STK32B: variants seen among roughly 807,000 people sequenced by gnomAD.
STK32B encodes serine/threonine kinase 32B.
A neutral mutation model predicts 52.6 loss-of-function variants in STK32B; 43 were observed. That is an observed-to-expected ratio of 0.82 (90% CI 0.64 to 1.05). The LOEUF is 1.05. STK32B is among the 50% of genes least tolerant of loss of function. The pLI, the probability that STK32B is intolerant of heterozygous loss-of-function variation, is 0.00. For missense variants in STK32B, 621 were observed against 534.6 expected (o/e 1.16, Z -1.59); for synonymous variants, 238 against 204.3 (o/e 1.17, Z -1.41).
intron 11 of STK32B, among the ~76,000 whole-genome samples, chr4:5,487,190 T>C (rs897460992): frequency 1.1e-4 from 17 of 152,160 alleles, no homozygotes; most frequent in Admixed American, 1.0e-3. Flanking sequence ...ATGTGGGTCT[T>C]TGTCAGGGAC....
rs1717712210 is a variant in STK32B, at chr4:5,469,804, G to A, written c.1106+1734G>A. ...GCAGCCACAGCCCATCAGACTTGGG[G>A]AAGACGGGGGCTGATGTCGTGAGTG... is the stretch of plus-strand genomic sequence containing the variant. On this transcript the variant is annotated intron_variant, in intron 11 of 11. Coordinates refer to ENST00000282908, the MANE Select transcript of STK32B (RefSeq NM_018401.3). The surrounding 1 kb of genome is among the most constrained non-coding windows in gnomAD (Gnocchi z 4.7). Among the ~76,000 whole-genome samples the A allele has an allele frequency of 6.6e-6, 1 of 152,216 alleles. No individual in the cohort carries two copies. Among genetic ancestry groups the A allele is most frequent in the Non-Finnish European group, 1.5e-5 (1 of 68,040 alleles).
intron 8 of STK32B, among the ~76,000 whole-genome samples, chr4:5,457,383 T>C (rs1247138762): frequency 6.6e-6 from 1 of 151,088 alleles, no homozygotes; most frequent in Non-Finnish European, 1.5e-5. Context: ...GCCCGGCTAA[T>C]TTTTTGTATT....
At chr4:5,271,720 A>G (rs1014972790) in intron 3 of STK32B, among the ~76,000 whole-genome samples, 7 of 146,012 alleles carry the variant, frequency 4.8e-5, no homozygotes, top group East Asian at 4.0e-4. Context: ...GGTCCTTCAC[A>G]TCCCTTGTAA....
intron 3 of STK32B, among the ~76,000 whole-genome samples, chr4:5,225,889 A>G (rs976755225): frequency 6.6e-6 from 1 of 152,182 alleles, no homozygotes; most frequent in African/African-American, 2.4e-5. Flanking sequence ...GGTGTGCTGC[A>G]CAGTGGGAAG....
At chr4:5,159,978 T>C (rs1560186884) in intron 2 of STK32B, among the ~76,000 whole-genome samples, 1 of 151,992 alleles carries the variant, frequency 6.6e-6, no homozygotes, top group Non-Finnish European at 1.5e-5. Flanking sequence ...AGTCAGTCTT[T>C]TACTTCATTC....
chr4:5,177,774 C>T (rs1357436459), intron 3 of STK32B, among the ~76,000 whole-genome samples: 4 of 152,334 alleles, frequency 2.6e-5, no homozygotes, highest in East Asian at 1.9e-4. Flanking sequence ...TCCAACAGGG[C>T]AGTCATTAAA....
Position 5,214,577 on chromosome 4 carries a change from A to G in STK32B, c.260+46127A>G, listed in dbSNP as rs568629067. On this transcript the variant is annotated intron_variant, in intron 3 of 11. Coordinates refer to ENST00000282908, the MANE Select transcript of STK32B (RefSeq NM_018401.3). ...GGGTGGGTTTGTCTGTTCTGTTCCA[A>G]TGCTCTATTTGTCCAACCCTGCACT... Among the ~76,000 whole-genome samples the G allele has an allele frequency of 5.8e-4, 89 of 152,212 alleles. 3 individuals carry two copies. In the South Asian group the frequency reaches 0.017, roughly 29 times the overall value.
intron 1 of STK32B, among the ~76,000 whole-genome samples, chr4:5,071,347 T>C (rs1451570393): frequency 6.6e-6 from 1 of 152,168 alleles, no homozygotes; most frequent in Non-Finnish European, 1.5e-5. Context: ...GATGTACATA[T>C]GAACACAAAA....
chr4:5,314,209 G>C lies in STK32B; in HGVS notation c.261-17011G>C, dbSNP rs549050607. On this transcript the variant is annotated intron_variant, in intron 3 of 11. Coordinates refer to ENST00000282908, the MANE Select transcript of STK32B (RefSeq NM_018401.3). Reference sequence around the variant, plus strand: ...TCAAGACAATGTGGTATTAGCATAGGAACAGACACATAGATCAATGGAACA... The same window carrying C: ...TCAAGACAATGTGGTATTAGCATAGCAACAGACACATAGATCAATGGAACA... Among the ~76,000 whole-genome samples, 4 of 152,172 alleles carry C rather than the reference G, an allele frequency of 2.6e-5. No individual in the cohort carries two copies. In the East Asian group the frequency reaches 7.7e-4, roughly 29 times the overall value.
intron 2 of STK32B, among the ~76,000 whole-genome samples, chr4:5,157,370 C>T (rs1717944482): frequency 6.7e-6 from 1 of 149,866 alleles, no homozygotes; most frequent in Non-Finnish European, 1.5e-5. Context: ...GTAGAAGAAG[C>T]AGACTGACAT....
intron 1 of STK32B, among the ~76,000 whole-genome samples, chr4:5,099,476 C>T (rs889591355): frequency 1.1e-5 from 1 of 87,994 alleles, no homozygotes; most frequent in Admixed American, 1.0e-4. Flanking sequence ...GATGTGTTCA[C>T]AACTAAGTGG....
chr4:5,369,619 C>T (rs1284086778), intron 4 of STK32B, among the ~76,000 whole-genome samples: 1 of 152,136 alleles, frequency 6.6e-6, no homozygotes, highest in Non-Finnish European at 1.5e-5. Flanking sequence ...ATAGCTCCTT[C>T]TTCATGCTGA....
At chr4:5,157,648 G>T (rs1253012251) in intron 2 of STK32B, among the ~76,000 whole-genome samples, 1 of 152,216 alleles carries the variant, frequency 6.6e-6, no homozygotes, top group Non-Finnish European at 1.5e-5. Flanking sequence ...CATGTAGCAG[G>T]CTGTGTATCT....
At chr4:5,172,559 G>A (rs1313690931) in intron 3 of STK32B, among the ~76,000 whole-genome samples, 2 of 152,156 alleles carry the variant, frequency 1.3e-5, no homozygotes, top group Admixed American at 6.5e-5. Context: ...TGCATCTATT[G>A]AGATAACCAT....
intron 4 of STK32B, among the ~76,000 whole-genome samples, chr4:5,334,268 GCTCT>G (rs1348539092): frequency 6.6e-6 from 1 of 151,712 alleles, no homozygotes; most frequent in Non-Finnish European, 1.5e-5. Flanking sequence ...TCATGATTTG[GCTCT>G]CTGTTTGTCT....
rs926349950 is a variant in STK32B, at chr4:5,058,989, G to A, written c.52+7074G>A. Among the ~76,000 whole-genome samples the A allele has an allele frequency of 5.5e-5, 8 of 145,170 alleles. No homozygotes were observed. Among genetic ancestry groups the A allele is most frequent in the Non-Finnish European group, 1.2e-4 (8 of 66,522 alleles). On this transcript the variant is annotated intron_variant, in intron 1 of 11. Coordinates refer to ENST00000282908, the MANE Select transcript of STK32B (RefSeq NM_018401.3). This position sits in a 1 kb window ranked among gnomAD's most constrained non-coding sequence, Gnocchi z 4.8. Reference sequence around the variant, plus strand: ...TGGTCTCGAACTCCTGACCTCAGGTGATCTGCCCACCTTGGCCTCCCAAAG... The same window carrying A: ...TGGTCTCGAACTCCTGACCTCAGGTAATCTGCCCACCTTGGCCTCCCAAAG...
intron 3 of STK32B, among the ~76,000 whole-genome samples, chr4:5,326,828 G>A (rs529560502): frequency 1.4e-4 from 22 of 152,294 alleles, no homozygotes; most frequent in African/African-American, 5.3e-4. Context: ...AGCTTTCCAC[G>A]ATGATGGAGT....
intron 3 of STK32B, among the ~76,000 whole-genome samples, chr4:5,269,372 C>T (rs1727269124): frequency 6.6e-6 from 1 of 152,104 alleles, no homozygotes; most frequent in African/African-American, 2.4e-5. Context: ...CTCCTGCAGT[C>T]CTCTCTAACA....
Position 5,139,885 on chromosome 4 carries a change from T to C in STK32B, c.53-20T>C. On this transcript the variant is annotated intron_variant, in intron 1 of 11. Transcript: ENST00000282908. ...GGTTTAGCAAATCTGACTTGTTTCC[T>C]TTTTTGTTTTCTTTTGCAGTCAACT... The C allele has an allele frequency of 6.2e-7, 1 of 1,614,072 alleles. No homozygotes were observed.
Sources: gnomAD v4.1 joint callset for allele counts (sites outside exome capture counted in the v4.1 genomes callset) on GRCh38, gnomAD v4.1.1 for gene constraint, Gnocchi (gnomAD v3.1) non-coding constraint, MANE v1.5 for transcripts, NCBI Gene and HGNC (gene_info 2026-07-23, HGNC 2026-07-21) for gene names.